MCF2L: variants seen among roughly 807,000 people sequenced by gnomAD.
MCF2L encodes guanine nucleotide exchange factor DBS.
MCF2L carries 97 observed loss-of-function variants against 153.4 expected under a neutral mutation model. The observed-to-expected ratio is 0.63, with a 90% CI of 0.54 to 0.75. The LOEUF (loss-of-function observed/expected upper bound fraction) is 0.75. Ranked by LOEUF, MCF2L falls within the 30% of genes least tolerant of loss-of-function variation. The pLI is 0.00. For synonymous variants in MCF2L, 659 were observed against 632.2 expected, an observed-to-expected ratio of 1.04 and a Z score of -0.64; for missense variants, 1,347 against 1,495.2, an observed-to-expected ratio of 0.90 and a Z score of 1.64.
At chr13:113,002,130 G>A (rs1025015941) in intron 1 of MCF2L, 3 of 998,776 alleles carry the variant, frequency 3.0e-6, no homozygotes, top group Admixed American at 3.4e-5. Context: ...GGATGCCGGG[G>A]ATGGATGTTG....
chr13:112,977,380 A>G (rs1461553132), intron 1 of MCF2L, among the ~76,000 whole-genome samples: 1 of 152,052 alleles, frequency 6.6e-6, no homozygotes, highest in Non-Finnish European at 1.5e-5. Flanking sequence ...AGGGGCTACC[A>G]CGGAGCTTAG....
At chr13:113,090,607 C>T (rs946166591) in intron 26 of MCF2L, 5 of 985,426 alleles carry the variant, frequency 5.1e-6, no homozygotes, top group Non-Finnish European at 3.6e-6. Context: ...ACGTCTAATG[C>T]CCTGCTCACC....
intron 8 of MCF2L, among the ~76,000 whole-genome samples, chr13:113,066,505 C>T (rs527562711): frequency 2.6e-5 from 4 of 152,302 alleles, no homozygotes; most frequent in South Asian, 2.1e-4. Context: ...GCATTCCAAG[C>T]GGGGCTTCCA....
At position 113,087,247 on chromosome 13, in the gene MCF2L, G is replaced by A. The variant is rs143748702; in HGVS notation, c.2386G>A (p.Asp796Asn). 6.1e-5 allele frequency: 99 copies of A among 1,611,462 alleles called. No homozygotes were observed. Among genetic ancestry groups the A allele is most frequent in the Middle Eastern group, 2.0e-4 (1 of 5,124 alleles). The part of the protein sequence containing the change: ...AITGYDGNLG[D>N]LGKLLMQGSF... ...GTCGCACATTTAGGGGAATCTCGGC[G>A]ACCTGGGCAAGCTGCTGATGCAGGG... Residue 796 changes from aspartate (D) to asparagine (N), a missense_variant, in exon 22 of 30, where the codon GAC becomes AAC. This residue lies in a region of MCF2L where 144 missense variants were observed against 238.7 expected (regional missense o/e 0.60). Transcript: ENST00000535094.
Position 113,089,696 on chromosome 13 carries a change from C to A in MCF2L, c.2921C>A (p.Ala974Glu), listed in dbSNP as rs755294674. ...PLSLEGYVSS[A>E]PLTKPPEKGK... ...AGCCTGGAGGGATACGTCAGCTCAG[C>A]GCCACTGACAAAGCCCCCCGAAAAG... Residue 974 changes from alanine to glutamate, a missense_variant, in exon 26 of 30, where the codon GCG (alanine) becomes GAG (glutamate). This residue lies in a region of MCF2L where 383 missense variants were observed against 335.4 expected (regional missense o/e 1.14). Coordinates refer to ENST00000535094, the MANE Select transcript of MCF2L (RefSeq NM_001112732.3). The A allele has an allele frequency of 6.2e-7, 1 of 1,613,862 alleles. No homozygotes were observed. The highest frequency in any genetic ancestry group is 2.2e-5 in the East Asian group (1 of 44,882).
intron 16 of MCF2L, 59 bp from the exon 17 acceptor site, chr13:113,082,368 C>T: frequency 2.0e-6 from 2 of 1,012,260 alleles, no homozygotes; most frequent in South Asian, 2.6e-5. Context: ...CCCTGGCCCA[C>T]CTGCCCCCCC....
intron 2 of MCF2L, among the ~76,000 whole-genome samples, chr13:112,953,396 T>C (rs971173980): frequency 6.6e-6 from 1 of 152,124 alleles, no homozygotes; most frequent in African/African-American, 2.4e-5. Context: ...GGGGAGGGGC[T>C]CCTCGGTGAG....
intron 21 of MCF2L, 35 bp from the exon 22 acceptor site, chr13:113,087,200 C>T (rs1300566735): frequency 6.4e-7 from 1 of 1,569,704 alleles, no homozygotes; most frequent in African/African-American, 1.3e-5. Context: ...CAGGCCCATC[C>T]CGTCCTGAAC....
At chr13:113,060,760 G>A (rs1258801107) in intron 5 of MCF2L, 48 bp downstream of exon 5, 4 of 1,598,160 alleles carry the variant, frequency 2.5e-6, no homozygotes, top group Non-Finnish European at 3.4e-6. Context: ...GGAACTCATT[G>A]CCGTCCTGGC....
chr13:113,033,217 ATGAGTGGCCCCCGTGACG>A lies in MCF2L; in HGVS notation c.278+8477_278+8494del, dbSNP rs1449822229. 1.3e-3 allele frequency among the ~76,000 whole-genome samples: 17 copies of A among 13,478 alleles called. 1 individual carries two copies. The South Asian group carries it at 0.03, about 24-fold the overall frequency. The allele number at this position is 13,478 out of a possible 152,430, so 8.8% of individuals were successfully genotyped here. Reference sequence around the variant, plus strand: ...CCGTGACGTGAGTGGCCCCCGTGACATGAGTGGCCCCCGTGACGTGAGTGGCCCCCGTGACATTAGTGG... The same window carrying A: ...CCGTGACGTGAGTGGCCCCCGTGACATGAGTGGCCCCCGTGACATTAGTGG... On this transcript the variant is annotated intron_variant, in intron 3 of 29. Coordinates refer to ENST00000535094, the MANE Select transcript of MCF2L (RefSeq NM_001112732.3).
Position 113,096,353 on chromosome 13 carries a change from C to G in MCF2L, c.3076-18C>G. 2 of 1,540,902 alleles carry G rather than the reference C, an allele frequency of 1.3e-6. No individual in the cohort carries two copies. The highest frequency in any genetic ancestry group is 1.8e-6 in the Non-Finnish European group (2 of 1,137,474). On this transcript the variant is annotated intron_variant, in intron 27 of 29. Transcript: ENST00000535094. ...GCGGGTGCTGACGCTGTCTGTGCCC[C>G]TGCCCGTCTCCCACCAGGTTCCAGG... is the stretch of plus-strand genomic sequence containing the variant.
In MCF2L at chr13:112,932,178, C is replaced by G. The variant is rs1438475751; in HGVS notation, c.169+29807C>G. Reference sequence around the variant, plus strand: ...GACCTGACGACCTGAGCCAGGCAATCGAGGTCAGCACCGATGGCGACCAGG... The same window carrying G: ...GACCTGACGACCTGAGCCAGGCAATGGAGGTCAGCACCGATGGCGACCAGG... On this transcript the variant is annotated intron_variant, in intron 2 of 29. Coordinates refer to the MCF2L transcript ENST00000375608. The surrounding 1 kb of genome is among the most constrained non-coding windows in gnomAD (Gnocchi z 4.6). Among the ~76,000 whole-genome samples, 1 of 152,168 alleles carries G rather than the reference C, an allele frequency of 6.6e-6. No individual in the cohort carries two copies. Among genetic ancestry groups the G allele is most frequent in the East Asian group, 1.9e-4 (1 of 5,178 alleles).
At chr13:113,006,289 G>A (rs562553554) in intron 1 of MCF2L, among the ~76,000 whole-genome samples, 31 of 152,356 alleles carry the variant, frequency 2.0e-4, no homozygotes, top group South Asian at 6.2e-4. Context: ...GCAGTCCTGG[G>A]CTGCTTACAG....
intron 26 of MCF2L, chr13:113,090,418 C>A: frequency 1.0e-6 from 1 of 983,532 alleles, no homozygotes. Flanking sequence ...GCTTTCCAGG[C>A]CCCCTCCTTC....
chr13:113,073,481 C>A lies in MCF2L; in HGVS notation c.997-963C>A, dbSNP rs543826374. ...GGTTCAAGGATGGACAAGAATCCTG[C>A]CTTCCTGGCCTTCAACCCCAGGCCA... On this transcript the variant is annotated intron_variant, in intron 9 of 29. Transcript: ENST00000535094. 2.6e-5 allele frequency among the ~76,000 whole-genome samples: 4 copies of A among 152,332 alleles called. No individual in the cohort carries two copies. The East Asian group carries it at 7.7e-4, about 29-fold the overall frequency.
At chr13:113,024,332 C>T (rs1332414688) in intron 2 of MCF2L, among the ~76,000 whole-genome samples, 1 of 150,238 alleles carries the variant, frequency 6.7e-6, no homozygotes, top group African/African-American at 2.5e-5. Context: ...CTTCTCTATG[C>T]AGTATCACCT....
intron 27 of MCF2L, chr13:113,095,471 G>C: frequency 1.9e-6 from 2 of 1,075,842 alleles, no homozygotes; most frequent in South Asian, 5.5e-5. Flanking sequence ...GGGTGCACGG[G>C]GCCTGGGGAG....
chr13:112,909,263 A>G (rs902610770), intron 2 of MCF2L: 3 of 779,610 alleles, frequency 3.8e-6, no homozygotes, highest in Non-Finnish European at 7.2e-6. Flanking sequence ...AGGTCTCGGC[A>G]TCTCGTCCAC....
At position 112,941,903 on chromosome 13, in the gene MCF2L, G is replaced by A. The variant is rs1038868603; in HGVS notation, c.169+39532G>A. 1.3e-5 allele frequency among the ~76,000 whole-genome samples: 2 copies of A among 152,182 alleles called. No homozygotes were observed. Among genetic ancestry groups the A allele is most frequent in the African/African-American group, 2.4e-5 (1 of 41,444 alleles). ...AGAAGTGATCAGAAGACAAGAGTGC[G>A]AGCCTTCTATTATGCACAGACAGGG... On this transcript the variant is annotated intron_variant, in intron 2 of 29. Transcript: ENST00000375608. The surrounding 1 kb of genome is among the most constrained non-coding windows in gnomAD (Gnocchi z 4.9).
Sources: allele counts gnomAD v4.1 joint callset (sites outside exome capture counted in the v4.1 genomes callset), GRCh38; gene constraint gnomAD v4.1.1; regional missense constraint gnomAD v4.1.1; non-coding constraint Gnocchi (gnomAD v3.1); transcripts MANE v1.5; gene names NCBI Gene and HGNC (gene_info 2026-07-23, HGNC 2026-07-21).